The following TRAPPC9 variants were observed in gnomAD, a reference collection of about 807,000 sequenced individuals.
TRAPPC9 encodes the protein IKK2 binding protein.
In TRAPPC9, 83 loss-of-function variants were observed where a neutral mutation model predicts 124.0. That is an observed-to-expected ratio of 0.67 (90% CI 0.56 to 0.80). TRAPPC9 has a LOEUF of 0.80. Among genes scored for constraint, TRAPPC9 ranks in the 30% least tolerant of loss-of-function variants. The probability of loss-of-function intolerance (pLI) is 0.00; values close to 1 mark genes in which losing one functional copy is unlikely to be tolerated. For missense variants in TRAPPC9, 1,302 were observed against 1,508.3 expected, an observed-to-expected ratio of 0.86 and a Z score of 2.27; for synonymous variants, 638 against 617.5, an observed-to-expected ratio of 1.03 and a Z score of -0.49.
chr8:140,061,673 T>G (rs951212903), intron 17 of TRAPPC9, among the ~76,000 whole-genome samples: 8 of 152,114 alleles, frequency 5.3e-5, no homozygotes. Flanking sequence ...GTGGAAGCAC[T>G]GGGCACTTGC....
chr8:140,289,651 A>C (rs913706196), intron 12 of TRAPPC9, among the ~76,000 whole-genome samples: 1 of 150,690 alleles, frequency 6.6e-6, no homozygotes, highest in Non-Finnish European at 1.5e-5. Context: ...ATTGTTTTTA[A>C]ACCAGATAAA....
At position 140,450,948 on chromosome 8, in the gene TRAPPC9, C is replaced by G; in HGVS notation, c.426G>C (p.Gln142His). 1 of 1,614,208 alleles carries G rather than the reference C, an allele frequency of 6.2e-7. No individual in the cohort carries two copies. The highest frequency in any genetic ancestry group is 8.5e-7 in the Non-Finnish European group (1 of 1,180,030). The change falls in exon 2 of 23, where the codon CAG becomes CAC. Residue 142 changes from glutamine (Q) to histidine (H), a missense_variant. Transcript: ENST00000438773. ...VAFYPNYEDC[Q>H]TVEKRIEDFI... is the part of the protein sequence containing the mutation. ...AGTCCTCGATTCTCTTCTCCACCGT[C>G]TGGCAGTCCTCGTAGTTGGGGTAGA...
chr8:140,405,820 T>A, intron 5 of TRAPPC9, 122 bp from the exon 6 acceptor site: 2 of 1,126,398 alleles, frequency 1.8e-6, no homozygotes, highest in South Asian at 1.4e-5. Flanking sequence ...ATAATGTAAG[T>A]GTTTAGTCTT....
intron 17 of TRAPPC9, among the ~76,000 whole-genome samples, chr8:140,181,131 C>G (rs530508514): frequency 6.6e-6 from 1 of 152,292 alleles, no homozygotes; most frequent in East Asian, 1.9e-4. Flanking sequence ...TCACTGTAAC[C>G]CATTTTGTGA....
chr8:140,016,510 T>C (rs1360174888), intron 18 of TRAPPC9, among the ~76,000 whole-genome samples: 2 of 152,206 alleles, frequency 1.3e-5, no homozygotes, highest in African/African-American at 4.8e-5. Context: ...AAAACAGGTT[T>C]TCCTGTTCTA....
At chr8:140,114,786 G>A (rs1288956336) in intron 17 of TRAPPC9, among the ~76,000 whole-genome samples, 1 of 152,214 alleles carries the variant, frequency 6.6e-6, no homozygotes, top group Non-Finnish European at 1.5e-5. Flanking sequence ...TTCTGTGAGA[G>A]GAAGGAAGTG....
At chr8:140,358,320 C>T (rs186738324) in intron 9 of TRAPPC9, among the ~76,000 whole-genome samples, 138 of 152,330 alleles carry the variant, frequency 9.1e-4, no homozygotes, top group Non-Finnish European at 4.0e-4. Flanking sequence ...ATTCTCCTGC[C>T]TCAGCCTCCT....
intron 19 of TRAPPC9, among the ~76,000 whole-genome samples, chr8:139,960,673 G>A (rs1297363495): frequency 1.6e-5 from 1 of 63,878 alleles, no homozygotes; most frequent in Non-Finnish European, 5.1e-5. Context: ...CGTCCTCAAC[G>A]GAGAAGCCAG....
Position 139,824,391 on chromosome 8 carries a change from G to C in TRAPPC9, c.3055+61488C>G, listed in dbSNP as rs543546683. Reference sequence around the variant, plus strand: ...TGTCATTAACATCAGTCACCACGTGGCTAAGGCCTTGGAGCTGCCAGGGCC... The same window carrying C: ...TGTCATTAACATCAGTCACCACGTGCCTAAGGCCTTGGAGCTGCCAGGGCC... On this transcript the variant is annotated intron_variant, in intron 21 of 22. Coordinates refer to ENST00000438773, the MANE Select transcript of TRAPPC9 (RefSeq NM_001160372.4). 2.6e-4 allele frequency among the ~76,000 whole-genome samples: 40 copies of C among 152,280 alleles called. No homozygotes were observed. In the South Asian group the frequency reaches 8.1e-3, roughly 31 times the overall value.
chr8:139,952,948 G>C (rs1834737253), intron 19 of TRAPPC9, among the ~76,000 whole-genome samples: 1 of 152,212 alleles, frequency 6.6e-6, no homozygotes, highest in Admixed American at 6.5e-5. Flanking sequence ...CCCACGGCTT[G>C]TCAGAAGCAG....
At chr8:140,263,518 A>G (rs2064503904) in intron 15 of TRAPPC9, among the ~76,000 whole-genome samples, 1 of 152,222 alleles carries the variant, frequency 6.6e-6, no homozygotes, top group South Asian at 2.1e-4. Context: ...AAATGAGTTG[A>G]CATTTTTATA....
At chr8:140,085,501 A>C (rs1303934493) in intron 17 of TRAPPC9, among the ~76,000 whole-genome samples, 1 of 152,084 alleles carries the variant, frequency 6.6e-6, no homozygotes, top group Non-Finnish European at 1.5e-5. Context: ...GAACCACCAA[A>C]ACCTCTCTCG....
At chr8:140,326,310 C>T (rs139377941) in intron 9 of TRAPPC9, among the ~76,000 whole-genome samples, 80 of 152,062 alleles carry the variant, frequency 5.3e-4, no homozygotes, top group Non-Finnish European at 6.3e-4. Context: ...TTTGGGGAAC[C>T]TTCCCTGGTG....
At chr8:139,986,405 G>A (rs1189255601) in intron 19 of TRAPPC9, among the ~76,000 whole-genome samples, 1 of 152,182 alleles carries the variant, frequency 6.6e-6, no homozygotes, top group African/African-American at 2.4e-5. Flanking sequence ...AAGATGGGAT[G>A]AGGTGGGCAG....
intron 19 of TRAPPC9, among the ~76,000 whole-genome samples, chr8:139,935,114 CAGACA>C (rs1051360564): frequency 6.6e-6 from 1 of 152,150 alleles, no homozygotes; most frequent in Non-Finnish European, 1.5e-5. Context: ...CCCGAAAGAC[CAGACA>C]AGACATCACC....
chr8:140,352,995 TC>T lies in TRAPPC9; in HGVS notation c.1495+7054del, dbSNP rs149291578. ...GACATTGTTAGGCACTTCAGGTGTG[TC>T]ATCTCCAATCCTTAAAACAATCCCA... On this transcript the variant is annotated intron_variant, in intron 9 of 22. Coordinates refer to ENST00000438773, the MANE Select transcript of TRAPPC9 (RefSeq NM_001160372.4). 3.0e-3 allele frequency among the ~76,000 whole-genome samples: 457 copies of T among 152,310 alleles called. 1 individual carries two copies. Among genetic ancestry groups the T allele is most frequent in the African/African-American group, 0.011 (441 of 41,550 alleles).
intron 17 of TRAPPC9, among the ~76,000 whole-genome samples, chr8:140,135,057 T>C (rs2061276699): frequency 6.6e-6 from 1 of 152,116 alleles, no homozygotes; most frequent in South Asian, 2.1e-4. Context: ...AATAAGCACA[T>C]GAAAAAATAC....
At chr8:140,447,972 C>G (rs1407617204) in intron 2 of TRAPPC9, among the ~76,000 whole-genome samples, 3 of 151,992 alleles carry the variant, frequency 2.0e-5, no homozygotes, top group African/African-American at 7.2e-5. Flanking sequence ...TGGTGAAACC[C>G]TGTCTCTACT....
At chr8:139,847,691 C>A (rs776115015) in intron 21 of TRAPPC9, among the ~76,000 whole-genome samples, 2 of 151,098 alleles carry the variant, frequency 1.3e-5, no homozygotes, top group Non-Finnish European at 3.0e-5. Flanking sequence ...GCCTTCCCGA[C>A]GGCCCGGCCT....
Sources: gnomAD v4.1 joint callset for allele counts (sites outside exome capture counted in the v4.1 genomes callset) on GRCh38, gnomAD v4.1.1 for gene constraint, MANE v1.5 for transcripts, NCBI Gene and HGNC (gene_info 2026-07-23, HGNC 2026-07-21) for gene names.